The following HAUS2 variants were observed in gnomAD, a reference collection of about 807,000 sequenced individuals.
HAUS2 encodes HAUS augmin like complex subunit 2.
Under a neutral mutation model 21.6 loss-of-function variants are expected in HAUS2, and 20 were observed. The observed-to-expected ratio is 0.93, with a 90% CI of 0.65 to 1.35. The LOEUF (loss-of-function observed/expected upper bound fraction) is 1.35. HAUS2 is among the 40% of genes most tolerant of loss of function. The pLI is 0.00. For synonymous variants in HAUS2, 113 were observed against 95.6 expected (o/e 1.18, Z -1.06); for missense variants, 297 against 280.7 (o/e 1.06, Z -0.42).
intron 5 of HAUS2, 35 bp from the exon 6 acceptor site, chr15:42,566,572 A>G (rs1263876043): frequency 8.9e-7 from 1 of 1,127,136 alleles, no homozygotes; most frequent in Non-Finnish European, 1.4e-6. Context: ...AATAAGAGAC[A>G]TAATTTCTCC....
At chr15:42,560,325 G>A (rs555832264) in intron 3 of HAUS2, among the ~76,000 whole-genome samples, 6 of 151,924 alleles carry the variant, frequency 3.9e-5, no homozygotes, top group South Asian at 4.2e-4. Flanking sequence ...ACATGCTAAC[G>A]TTTTACAGGT....
At position 42,558,246 on chromosome 15, in the gene HAUS2, A is replaced by G. The variant is rs751953594; in HGVS notation, c.142A>G (p.Thr48Ala). The G allele has an allele frequency of 3.3e-6, 5 of 1,504,226 alleles. No individual in the cohort carries two copies. In the South Asian group the frequency reaches 5.8e-5, roughly 17 times the overall value. The allele number at this position is 1,504,226 out of a possible 1,614,324, so 93.2% of individuals were successfully genotyped here. The change falls in exon 2 of 6, where the codon ACC becomes GCC. Residue 48 changes from threonine (T) to alanine (A), a missense_variant. Physicochemically the swap from Thr to Ala is moderately conservative, Grantham distance 58. Coordinates refer to ENST00000260372, the MANE Select transcript of HAUS2 (RefSeq NM_018097.3). Reference sequence around the variant, plus strand: ...AACAGTTTCTTGTTTTGTGAACTTCACCAGACTACAGCAGATCACAAATAT... The same window carrying G: ...AACAGTTTCTTGTTTTGTGAACTTCGCCAGACTACAGCAGATCACAAATAT... ...KKTVSCFVNFTRLQQITNIQA... is the reference protein window; with the variant it reads ...KKTVSCFVNFARLQQITNIQA...
At chr15:42,561,557 C>G (rs943585658) in intron 4 of HAUS2, 155 bp downstream of exon 4, 6 of 574,952 alleles carry the variant, frequency 1.0e-5, no homozygotes, top group Non-Finnish European at 1.8e-5. Context: ...AAAATCTTTG[C>G]TTTTAAACCA....
At chr15:42,550,284 G>GAAA (rs61442261) in intron 1 of HAUS2, among the ~76,000 whole-genome samples, 2 of 98,372 alleles carry the variant, frequency 2.0e-5, no homozygotes, top group African/African-American at 3.5e-5. Context: ...CTGTCTCAGG[G>GAAA]AAAAAAAAAA....
At chr15:42,550,886 C>G (rs2057718585) in intron 1 of HAUS2, among the ~76,000 whole-genome samples, 1 of 152,118 alleles carries the variant, frequency 6.6e-6, no homozygotes, top group South Asian at 2.1e-4. Flanking sequence ...CCAGGATGGT[C>G]TCGATCTCCT....
At chr15:42,549,489 C>T (rs2057697871) in intron 1 of HAUS2, among the ~76,000 whole-genome samples, 1 of 151,768 alleles carries the variant, frequency 6.6e-6, no homozygotes, top group South Asian at 2.1e-4. Flanking sequence ...CTCTAACGCC[C>T]AGGCTGGAGT....
chr15:42,549,858 A>G (rs764550411), intron 1 of HAUS2, among the ~76,000 whole-genome samples: 2 of 151,912 alleles, frequency 1.3e-5, no homozygotes. Flanking sequence ...AAGGAGAGAA[A>G]AGAGACATTA....
At chr15:42,549,377 G>C (rs1244815814) in intron 1 of HAUS2, among the ~76,000 whole-genome samples, 4 of 152,074 alleles carry the variant, frequency 2.6e-5, no homozygotes, top group Non-Finnish European at 5.9e-5. Context: ...AATCGTATTT[G>C]GGGCGGGAGG....
chr15:42,561,411 G>A lies in HAUS2; in HGVS notation c.389+9G>A, dbSNP rs780830697. The stretch of plus-strand genomic sequence containing the variant: ...GAAGCTGTTTATCACAGGTTAGACT[G>A]AAAAGTAGAAATTAACAGTTACACC... On this transcript the variant is annotated intron_variant, in intron 4 of 5. Coordinates refer to ENST00000260372, the MANE Select transcript of HAUS2 (RefSeq NM_018097.3). 6 of 1,587,474 alleles carry A rather than the reference G, an allele frequency of 3.8e-6. No homozygotes were observed. In the African/African-American group the frequency reaches 8.1e-5, roughly 21 times the overall value.
Position 42,566,850 on chromosome 15 carries a change from T to A in HAUS2, c.*34T>A, listed in dbSNP as rs958735637. On this transcript the variant is annotated 3_prime_UTR_variant, in exon 6 of 6. Transcript: ENST00000260372. ...TTTATTTTTGCTTAATTATGTGTAG[T>A]CATATGAAGTCTATTTCTAGTTGAC... The A allele has an allele frequency of 1.0e-6, 1 of 980,084 alleles. No homozygotes were observed. Among genetic ancestry groups the A allele is most frequent in the Non-Finnish European group, 1.6e-6 (1 of 610,656 alleles). The allele number at this position is 980,084 out of a possible 1,614,324, so 60.7% of individuals were successfully genotyped here.
chr15:42,559,280 C>T (rs370748242), intron 2 of HAUS2, 59 bp from the exon 3 acceptor site: 19 of 981,000 alleles, frequency 1.9e-5, no homozygotes, highest in African/African-American at 1.9e-4. Flanking sequence ...AGTGAGCCAC[C>T]GCACCTGGCC....
At chr15:42,565,386 A>AGTGTGTGT (rs1413557687) in intron 5 of HAUS2, among the ~76,000 whole-genome samples, 1 of 77,342 alleles carries the variant, frequency 1.3e-5, no homozygotes, top group South Asian at 4.2e-4. Flanking sequence ...GGAGCCATTG[A>AGTGTGTGT]ATGTGTGTGT....
chr15:42,555,170 T>C (rs1223371378), intron 1 of HAUS2, among the ~76,000 whole-genome samples: 2 of 151,892 alleles, frequency 1.3e-5, no homozygotes, highest in Non-Finnish European at 2.9e-5. Context: ...GTATTATTAG[T>C]AGAGATGGGG....
At chr15:42,558,536 C>T (rs1394972299) in intron 2 of HAUS2, among the ~76,000 whole-genome samples, 3 of 151,850 alleles carry the variant, frequency 2.0e-5, no homozygotes, top group Middle Eastern at 3.2e-3. Context: ...ACCATGTTAG[C>T]CAGGATGGTC....
chr15:42,551,168 A>C (rs1020276092), intron 1 of HAUS2, among the ~76,000 whole-genome samples: 4 of 151,162 alleles, frequency 2.6e-5, no homozygotes, highest in Admixed American at 2.6e-4. Flanking sequence ...TCATATTTTC[A>C]GTAGAGACGG....
intron 1 of HAUS2, among the ~76,000 whole-genome samples, chr15:42,556,407 G>GT (rs2057775959): frequency 6.6e-6 from 1 of 150,594 alleles, no homozygotes; most frequent in Admixed American, 6.7e-5. Context: ...GGGATTACAG[G>GT]TGTGCACCAC....
At chr15:42,558,414 G>A (rs944415484) in intron 2 of HAUS2, 124 bp downstream of exon 2, 26 of 528,318 alleles carry the variant, frequency 4.9e-5, no homozygotes, top group East Asian at 1.1e-4. Context: ...TGCAAACTCC[G>A]CCTCCCAGGT....
chr15:42,565,435 T>G (rs2057897137), intron 5 of HAUS2, among the ~76,000 whole-genome samples: 1 of 138,096 alleles, frequency 7.2e-6, no homozygotes, highest in Non-Finnish European at 1.5e-5. Flanking sequence ...GTGTGTGTTT[T>G]CTTTTTTTAG....
chr15:42,556,116 T>A (rs916734968), intron 1 of HAUS2, among the ~76,000 whole-genome samples: 10 of 148,304 alleles, frequency 6.7e-5, no homozygotes, highest in Non-Finnish European at 1.3e-4. Context: ...CCACCACGCC[T>A]GGCTAATTTT....
Sources: allele counts gnomAD v4.1 joint callset (sites outside exome capture counted in the v4.1 genomes callset), GRCh38; gene constraint gnomAD v4.1.1; transcripts MANE v1.5; gene names NCBI Gene and HGNC (gene_info 2026-07-23, HGNC 2026-07-21).